Variants in RGL1 observed in about 807,000 individuals in gnomAD.
RGL1 encodes the protein ral guanine nucleotide dissociation stimulator like 1, also known as ral guanine nucleotide dissociation stimulator-like 1.
RGL1 carries 24 observed loss-of-function variants against 95.2 expected under a neutral mutation model. The ratio of observed to expected loss-of-function variants is 0.25; its 90% CI spans 0.18 to 0.35. The LOEUF is 0.35. Among genes scored for constraint, RGL1 ranks in the 10% least tolerant of loss-of-function variants. The probability of loss-of-function intolerance (pLI) is 1.00; values close to 1 mark genes in which losing one functional copy is unlikely to be tolerated. For missense variants in RGL1, 715 were observed against 936.3 expected (o/e 0.76, Z 3.08); for synonymous variants, 329 against 344.9 (o/e 0.95, Z 0.51).
rs189372027 is a variant in RGL1, at chr1:183,790,070, G to A, written c.133-16305G>A. The stretch of plus-strand genomic sequence containing the variant: ...CGAGTAGCTGGGATTACAGGCACCC[G>A]CCACCACACCCAGCTAATTTTTTTT... On this transcript the variant is annotated intron_variant, in intron 2 of 18. Transcript: ENST00000304685. Among the ~76,000 whole-genome samples, 440 of 151,752 alleles carry A rather than the reference G, an allele frequency of 2.9e-3. 6 individuals carry two copies. In the East Asian group the frequency reaches 0.035, roughly 12 times the overall value.
Position 183,648,306 on chromosome 1 carries a change from T to C in RGL1, c.-33+11805T>C. The C allele has an allele frequency of 2.5e-6, 4 of 1,614,168 alleles. No homozygotes were observed. The highest frequency in any genetic ancestry group is 1.1e-5 in the South Asian group (1 of 91,088). ...TGAGGCAGGAAAGTCCATCTCAGTA[T>C]GATAGAGCTGAGAAAAATAAATACT... On this transcript the variant is annotated intron_variant, in intron 1 of 18. Transcript: ENST00000304685.
intron 2 of RGL1, among the ~76,000 whole-genome samples, chr1:183,780,500 A>G (rs752163951): frequency 1.3e-5 from 2 of 152,192 alleles, no homozygotes; most frequent in East Asian, 1.9e-4. Context: ...CATTTTGCCA[A>G]CCTGCCCTCT....
chr1:183,756,587 G>A (rs551574890), intron 2 of RGL1, among the ~76,000 whole-genome samples: 5 of 152,262 alleles, frequency 3.3e-5, no homozygotes, highest in Admixed American at 1.3e-4. Flanking sequence ...TAGGATGGCC[G>A]AAAATACTTC....
intron 1 of RGL1, among the ~76,000 whole-genome samples, chr1:183,677,489 A>T (rs1652906500): frequency 6.6e-6 from 1 of 152,036 alleles, no homozygotes; most frequent in African/African-American, 2.4e-5. Flanking sequence ...TTGGATTCTG[A>T]TTCTGTCATT....
intron 1 of RGL1, among the ~76,000 whole-genome samples, chr1:183,694,286 A>G (rs1411205858): frequency 6.6e-6 from 1 of 152,178 alleles, no homozygotes; most frequent in Non-Finnish European, 1.5e-5. Flanking sequence ...GTGTAGTTCC[A>G]CACAGGCAGG....
At chr1:183,776,249 C>A (rs1044624254) in intron 2 of RGL1, among the ~76,000 whole-genome samples, 2 of 149,344 alleles carry the variant, frequency 1.3e-5, no homozygotes, top group African/African-American at 4.9e-5. Context: ...CCCGGGTTCA[C>A]GCCATTCTCC....
chr1:183,877,845 G>T (rs1316965026), intron 4 of RGL1, among the ~76,000 whole-genome samples: 1 of 152,166 alleles, frequency 6.6e-6, no homozygotes, highest in Non-Finnish European at 1.5e-5. Context: ...CCACCTAAGG[G>T]CAAGTCTAAT....
chr1:183,712,275 A>G (rs895582997), intron 1 of RGL1, among the ~76,000 whole-genome samples: 10 of 152,222 alleles, frequency 6.6e-5, no homozygotes, highest in Non-Finnish European at 4.4e-5. Context: ...GAGGCCTGTG[A>G]CAGCAGGAGG....
At chr1:183,731,901 G>A (rs1656649241) in intron 1 of RGL1, among the ~76,000 whole-genome samples, 1 of 152,082 alleles carries the variant, frequency 6.6e-6, no homozygotes, top group Non-Finnish European at 1.5e-5. Context: ...CAGGAATTGA[G>A]ATTAAGAACT....
intron 2 of RGL1, among the ~76,000 whole-genome samples, chr1:183,828,318 G>A (rs956082348): frequency 3.9e-5 from 6 of 152,154 alleles, no homozygotes; most frequent in Non-Finnish European, 5.9e-5. Flanking sequence ...ATTTGCCTAC[G>A]ATGATGTCTT....
intron 3 of RGL1, among the ~76,000 whole-genome samples, chr1:183,854,653 C>A (rs1665026318): frequency 6.6e-6 from 1 of 151,926 alleles, no homozygotes; most frequent in African/African-American, 2.4e-5. Context: ...GCAATTTTTC[C>A]TGTCTTTTTT....
At chr1:183,867,954 G>A (rs3002653) in intron 4 of RGL1, among the ~76,000 whole-genome samples, 152,027 of 152,352 alleles carry the variant, frequency 1, 75,852 homozygotes, top group Non-Finnish European at 1. Flanking sequence ...TTACAGTTTT[G>A]TTCAGTGGAT....
intron 12 of RGL1, among the ~76,000 whole-genome samples, chr1:183,903,047 A>G (rs1283025170): frequency 1.3e-5 from 2 of 152,210 alleles, no homozygotes; most frequent in East Asian, 3.8e-4. Context: ...ATGTGAAGTA[A>G]TGCATATGTT....
chr1:183,694,747 G>C (rs558997856), intron 1 of RGL1, among the ~76,000 whole-genome samples: 39 of 152,314 alleles, frequency 2.6e-4, no homozygotes, highest in African/African-American at 9.1e-4. Context: ...TGACTTAATT[G>C]CATATTTAAA....
chr1:183,889,970 C>A (rs368691476), intron 8 of RGL1, among the ~76,000 whole-genome samples: 1 of 151,940 alleles, frequency 6.6e-6, no homozygotes, highest in Non-Finnish European at 1.5e-5. Flanking sequence ...GTTGATTTTC[C>A]TCTGCACATT....
chr1:183,727,219 A>C (rs1234190296), intron 1 of RGL1, among the ~76,000 whole-genome samples: 1 of 152,184 alleles, frequency 6.6e-6, no homozygotes, highest in Non-Finnish European at 1.5e-5. Context: ...AAATTAATGA[A>C]TGTAGTTCAT....
intron 1 of RGL1, chr1:183,646,327 T>C (rs563035410): frequency 1.2e-4 from 18 of 152,282 alleles, no homozygotes; most frequent in Admixed American, 1.0e-3. Flanking sequence ...CTAATTGCTA[T>C]TCCTAAAATA....
chr1:183,870,882 T>A (rs12404043), intron 4 of RGL1, among the ~76,000 whole-genome samples: 21,796 of 152,146 alleles, frequency 0.14, 1,999 homozygotes, highest in South Asian at 0.29. Flanking sequence ...GGCAGCCACA[T>A]GGAGAGGGAA....
chr1:183,839,810 T>C (rs1663915505), intron 2 of RGL1, among the ~76,000 whole-genome samples: 1 of 152,192 alleles, frequency 6.6e-6, no homozygotes, highest in South Asian at 2.1e-4. Flanking sequence ...ATTTTCCCCC[T>C]GTAGTGGTGG....
Sources: gnomAD v4.1 joint callset for allele counts (sites outside exome capture counted in the v4.1 genomes callset) on GRCh38, gnomAD v4.1.1 for gene constraint, MANE v1.5 for transcripts, NCBI Gene and HGNC (gene_info 2026-07-23, HGNC 2026-07-21) for gene names.